Variants in NUP93 observed in about 807,000 individuals in gnomAD.
NUP93 encodes nuclear pore complex protein Nup93.
NUP93 carries 55 observed loss-of-function variants against 107.8 expected under a neutral mutation model. The observed-to-expected ratio is 0.51, with a 90% CI of 0.41 to 0.64. NUP93 has a LOEUF of 0.64. NUP93 is among the 30% of genes least tolerant of loss of function. The pLI, the probability that NUP93 is intolerant of heterozygous loss-of-function variation, is 0.00. For missense variants in NUP93, 937 were observed against 1,044.7 expected (o/e 0.90, Z 1.42); for synonymous variants, 390 against 397.5 (o/e 0.98, Z 0.22).
At position 56,831,824 on chromosome 16, in the gene NUP93, G is replaced by A. The variant is rs1462558227; in HGVS notation, c.1086-18G>A. 2 of 1,612,296 alleles carry A rather than the reference G, an allele frequency of 1.2e-6. No homozygotes were observed. Among genetic ancestry groups the A allele is most frequent in the Non-Finnish European group, 1.7e-6 (2 of 1,179,286 alleles). On this transcript the variant is annotated intron_variant, in intron 10 of 21. Coordinates refer to ENST00000308159, the MANE Select transcript of NUP93 (RefSeq NM_014669.5). ...TTATTGAGTATGTATCTATCTGTCT[G>A]TTCCCTTATGTCTGTAGATTGTCCC...
At chr16:56,827,019 C>A (rs1374155298) in intron 8 of NUP93, among the ~76,000 whole-genome samples, 1 of 110,446 alleles carries the variant, frequency 9.1e-6, no homozygotes, top group Non-Finnish European at 1.7e-5. Context: ...GTACTCCAAC[C>A]TGGGGATGGA....
intron 3 of NUP93, among the ~76,000 whole-genome samples, chr16:56,786,013 G>A (rs1480966443): frequency 6.6e-6 from 1 of 152,092 alleles, no homozygotes; most frequent in East Asian, 1.9e-4. Flanking sequence ...GCTTCTTTAT[G>A]GTGAGGTGAA....
intron 18 of NUP93, among the ~76,000 whole-genome samples, chr16:56,838,673 C>T (rs1289031889): frequency 6.6e-6 from 1 of 151,682 alleles, no homozygotes; most frequent in African/African-American, 2.4e-5. Context: ...TCAAGCAATC[C>T]TCCCACCTCA....
intron 14 of NUP93, 30 bp from the exon 15 acceptor site, chr16:56,834,340 T>C: frequency 6.2e-7 from 1 of 1,614,102 alleles, no homozygotes; most frequent in Non-Finnish European, 8.5e-7. Context: ...ATGTCCAGAC[T>C]GGAAACTGAG....
chr16:56,833,063 AG>A, intron 12 of NUP93, 151 bp from the exon 13 acceptor site: 1 of 621,670 alleles, frequency 1.6e-6, no homozygotes, highest in South Asian at 2.2e-5. Flanking sequence ...TACTGTATTC[AG>A]GGCCCCCTTG....
At chr16:56,811,431 A>G (rs1443389217) in intron 5 of NUP93, among the ~76,000 whole-genome samples, 1 of 152,222 alleles carries the variant, frequency 6.6e-6, no homozygotes, top group Admixed American at 6.5e-5. Context: ...TACACAATGT[A>G]AAAGGCATAA....
chr16:56,809,315 C>T (rs1337038155), intron 5 of NUP93, among the ~76,000 whole-genome samples: 1 of 152,166 alleles, frequency 6.6e-6, no homozygotes, highest in Non-Finnish European at 1.5e-5. Flanking sequence ...ATTAACCCTG[C>T]AGACCTTCAG....
At chr16:56,814,339 C>T (rs1056833451) in intron 5 of NUP93, among the ~76,000 whole-genome samples, 20 of 152,132 alleles carry the variant, frequency 1.3e-4, no homozygotes, top group African/African-American at 4.8e-4. Context: ...GCGCGTTCTG[C>T]CACACCCAGC....
In NUP93 at chr16:56,821,467, G is replaced by A. The variant is rs773919464; in HGVS notation, c.565-37G>A. ...GGAGGTTTAAAAAGAAGAGAAAATAGATACTTTGCCATTTACTTTGCTTTT... is the reference window on the plus strand; with the variant it reads ...GGAGGTTTAAAAAGAAGAGAAAATAAATACTTTGCCATTTACTTTGCTTTT... On this transcript the variant is annotated intron_variant, in intron 6 of 21. Transcript: ENST00000308159. 1.7e-5 allele frequency: 23 copies of A among 1,365,020 alleles called. No homozygotes were observed. In the African/African-American group the frequency reaches 2.6e-4, roughly 15 times the overall value. 84.6% of individuals were successfully genotyped at this position (1,365,020 alleles called of 1,614,324 possible).
chr16:56,809,397 C>T (rs1221759364), intron 5 of NUP93, among the ~76,000 whole-genome samples: 3 of 90,030 alleles, frequency 3.3e-5, no homozygotes, highest in Non-Finnish European at 4.2e-5. Flanking sequence ...CCATAATAGC[C>T]ATTCCCTATT....
Position 56,834,754 on chromosome 16 carries a change from A to G in NUP93, c.1758A>G (p.Lys586=). Residue 586 remains lysine, a synonymous_variant, in exon 16 of 22, where the codon AAA becomes AAG. Coordinates refer to ENST00000308159, the MANE Select transcript of NUP93 (RefSeq NM_014669.5). ...ESREFDMILG[K]LENDGSRKPG... ...CACAGTTCGATATGATTCTTGGGAA[A>G]CTAGAGAATGACGGAAGTAGAAAGG... 2 of 1,612,468 alleles carry G rather than the reference A, an allele frequency of 1.2e-6. No homozygotes were observed. Among genetic ancestry groups the G allele is most frequent in the African/African-American group, 1.3e-5 (1 of 75,020 alleles).
intron 7 of NUP93, 102 bp downstream of exon 7, chr16:56,821,695 C>T: frequency 1.5e-6 from 1 of 684,406 alleles, no homozygotes; most frequent in Non-Finnish European, 2.6e-6. Flanking sequence ...ACACGCCATT[C>T]TGTGGAATGA....
chr16:56,834,473 T>C, intron 15 of NUP93, 31 bp downstream of exon 15: 1 of 1,605,836 alleles, frequency 6.2e-7, no homozygotes, highest in Non-Finnish European at 8.5e-7. Context: ...CTCCTCCCCA[T>C]GGTTTTCAGT....
chr16:56,823,005 TCATA>T (rs1299950463), intron 7 of NUP93, among the ~76,000 whole-genome samples: 1 of 152,206 alleles, frequency 6.6e-6, no homozygotes, highest in Non-Finnish European at 1.5e-5. Flanking sequence ...CTGCAAGGAC[TCATA>T]CATTTAAAGT....
intron 2 of NUP93, among the ~76,000 whole-genome samples, chr16:56,753,868 T>G (rs907965831): frequency 2.6e-5 from 4 of 152,104 alleles, no homozygotes; most frequent in Non-Finnish European, 5.9e-5. Context: ...AACAAGCATA[T>G]TTGTTGATAG....
chr16:56,781,519 C>T (rs1320906124), intron 3 of NUP93: 2 of 152,182 alleles, frequency 1.3e-5, no homozygotes, highest in East Asian at 3.9e-4. Context: ...AGCATCATGG[C>T]ATGTGCAAAT....
intron 2 of NUP93, 58 bp downstream of exon 2, chr16:56,748,484 T>A: frequency 7.1e-7 from 1 of 1,401,128 alleles, no homozygotes. Context: ...AGGATCTGTT[T>A]CTTCTTTCCT....
In NUP93 at chr16:56,741,274, A is replaced by G. The variant is rs921098529; in HGVS notation, c.-14-6960A>G. Among the ~76,000 whole-genome samples, 5 of 152,360 alleles carry G rather than the reference A, an allele frequency of 3.3e-5. No individual in the cohort carries two copies. In the South Asian group the frequency reaches 1.0e-3, roughly 32 times the overall value. On this transcript the variant is annotated intron_variant, in intron 1 of 21. Transcript: ENST00000308159. ...ATGATAAAATGTTGCCAAATTGGCA[A>G]CTTGGGAAAAAAGCTAAAATAGCAT...
intron 5 of NUP93, 76 bp from the exon 6 acceptor site, chr16:56,818,588 G>A (rs1442152573): frequency 8.7e-7 from 1 of 1,155,542 alleles, no homozygotes; most frequent in Non-Finnish European, 1.3e-6. Flanking sequence ...ACAAGAATAT[G>A]TTTATGATGT....
Sources: gnomAD v4.1 joint callset for allele counts (sites outside exome capture counted in the v4.1 genomes callset) on GRCh38, gnomAD v4.1.1 for gene constraint, MANE v1.5 for transcripts, NCBI Gene and HGNC (gene_info 2026-07-23, HGNC 2026-07-21) for gene names.